Variants in CTPS1 observed in about 807,000 individuals in gnomAD.
The protein encoded by CTPS1 is CTP synthetase 1.
In CTPS1, 25 loss-of-function variants were observed where a neutral mutation model predicts 80.5. That is an observed-to-expected ratio of 0.31 (90% CI 0.23 to 0.43). CTPS1 has a LOEUF of 0.43. Among genes scored for constraint, CTPS1 ranks in the 20% least tolerant of loss-of-function variants. The probability of loss-of-function intolerance (pLI) is 1.00; values close to 1 mark genes in which losing one functional copy is unlikely to be tolerated. For synonymous variants in CTPS1, 267 were observed against 252.5 expected (o/e 1.06, Z -0.54); for missense variants, 442 against 725.7 (o/e 0.61, Z 4.49).
At chr1:40,983,750 G>A (rs1642378640) in intron 2 of CTPS1, among the ~76,000 whole-genome samples, 1 of 151,812 alleles carries the variant, frequency 6.6e-6, no homozygotes, top group South Asian at 2.1e-4. Context: ...AGCCTCCTGA[G>A]TAGCTGGGAC....
intron 2 of CTPS1, 25 bp downstream of exon 2, chr1:40,983,481 A>G: frequency 6.4e-7 from 1 of 1,572,794 alleles, no homozygotes; most frequent in South Asian, 1.2e-5. Context: ...TTTCTTCATA[A>G]TAATTGCATG....
chr1:40,991,328 T>A, intron 6 of CTPS1, 80 bp downstream of exon 6: 1 of 1,107,470 alleles, frequency 9.0e-7, no homozygotes, highest in Non-Finnish European at 1.3e-6. Flanking sequence ...ACAAGACCTT[T>A]GTCTTGTTGG....
intron 7 of CTPS1, among the ~76,000 whole-genome samples, chr1:40,994,842 T>C (rs1367464835): frequency 6.6e-6 from 1 of 152,242 alleles, no homozygotes; most frequent in Non-Finnish European, 1.5e-5. Context: ...TAATCTTAAT[T>C]TACCAATAAT....
In CTPS1 at chr1:40,979,792, G is replaced by C. The variant is rs890850835; in HGVS notation, c.-51G>C. On this transcript the variant is annotated 5_prime_UTR_variant, in exon 1 of 19. Coordinates refer to ENST00000650070, the MANE Select transcript of CTPS1 (RefSeq NM_001905.4). ...GGGCTCCGCGCGCGTCGCCGGCCCA[G>C]CTCTGTCGCTGACGGGAGGATCTGA... 6.6e-6 allele frequency: 1 copy of C among 152,254 alleles called. No individual in the cohort carries two copies. Among genetic ancestry groups the C allele is most frequent in the Non-Finnish European group, 1.5e-5 (1 of 68,086 alleles). The allele number at this position is 152,254 out of a possible 1,614,324, so 9.4% of individuals were successfully genotyped here.
chr1:40,984,777 A>G, intron 2 of CTPS1, 44 bp from the exon 3 acceptor site: 1 of 1,389,624 alleles, frequency 7.2e-7, no homozygotes, highest in Non-Finnish European at 9.6e-7. Flanking sequence ...GCCATGGTAT[A>G]GGTATTTTTC....
intron 7 of CTPS1, 105 bp from the exon 8 acceptor site, chr1:40,995,812 C>T: frequency 2.5e-6 from 3 of 1,182,116 alleles, no homozygotes; most frequent in South Asian, 3.2e-5. Context: ...GTCCTTTTTT[C>T]TGTTTTCAAA....
intron 9 of CTPS1, among the ~76,000 whole-genome samples, chr1:40,999,502 A>C (rs1004571626): frequency 1.3e-5 from 2 of 152,220 alleles, no homozygotes; most frequent in African/African-American, 4.8e-5. Flanking sequence ...CTAGTTAGGG[A>C]AATCAGTGCA....
At chr1:40,998,224 C>T (rs1455048546) in intron 9 of CTPS1, among the ~76,000 whole-genome samples, 1 of 150,240 alleles carries the variant, frequency 6.7e-6, no homozygotes, top group Non-Finnish European at 1.5e-5. Flanking sequence ...CGGTGAAACC[C>T]TGTCTCTACT....
Position 40,991,772 on chromosome 1 carries a change from G to T in CTPS1, c.647G>T (p.Cys216Phe). ...GLGLSPDLVV[C>F]RCSNPLDTSV... ...CTTGTTCTCTACTGCTAGGTTGTAT[G>T]CAGGTGCTCAAATCCACTTGACACA... Residue 216 changes from cysteine to phenylalanine, a missense_variant, in exon 7 of 19, where the codon TGC becomes TTC. Cys to Phe is a radical substitution (Grantham distance 205, BLOSUM62 -2). Transcript: ENST00000650070. 6.2e-7 allele frequency: 1 copy of T among 1,613,156 alleles called. No homozygotes were observed.
chr1:40,984,839 A>T lies in CTPS1; in HGVS notation c.185A>T (p.Asp62Val). 1 of 1,569,690 alleles carries T rather than the reference A, an allele frequency of 6.4e-7. No individual in the cohort carries two copies. Among genetic ancestry groups the T allele is most frequent in the Non-Finnish European group, 8.7e-7 (1 of 1,151,918 alleles). The change falls in exon 3 of 19, where the codon GAT becomes GTT. Residue 62 changes from aspartate (D) to valine (V), a missense_variant. Physicochemically the swap from Asp to Val is radical, Grantham distance 152. This residue lies in a region of CTPS1 where 69 missense variants were observed against 102.1 expected (regional missense o/e 0.68). Transcript: ENST00000650070. ...ACTGCAGGTGAGGTTTTTGTGCTGG[A>T]TGATGGTGGGGAAGTAGACCTTGAC... ...PYEHGEVFVL[D>V]DGGEVDLDLG...
chr1:40,986,230 G>A (rs1042994480), intron 3 of CTPS1, among the ~76,000 whole-genome samples: 1 of 152,272 alleles, frequency 6.6e-6, no homozygotes, highest in African/African-American at 2.4e-5. Flanking sequence ...ACTTTGGGCA[G>A]GTGGTCGGGG....
chr1:41,008,201 A>G (rs1643082486), intron 14 of CTPS1, among the ~76,000 whole-genome samples: 1 of 152,118 alleles, frequency 6.6e-6, no homozygotes, highest in Non-Finnish European at 1.5e-5. Flanking sequence ...CCCGTTCGCA[A>G]ATGTCCAGCT....
chr1:40,998,529 A>G (rs929809376), intron 9 of CTPS1, among the ~76,000 whole-genome samples: 7 of 151,768 alleles, frequency 4.6e-5, no homozygotes, highest in Non-Finnish European at 1.0e-4. Flanking sequence ...CAGTTTCCAC[A>G]TTGTTAAAAA....
intron 1 of CTPS1, chr1:40,982,075 A>T: frequency 9.1e-7 from 1 of 1,098,216 alleles, no homozygotes; most frequent in Non-Finnish European, 1.2e-6. Flanking sequence ...ACGATCCTGG[A>T]CCTCTGAAGC....
At chr1:40,980,676 C>G (rs1442275498) in intron 1 of CTPS1, 1 of 152,330 alleles carries the variant, frequency 6.6e-6, no homozygotes, top group African/African-American at 2.4e-5. Flanking sequence ...CCCCCTCAGT[C>G]TTTGTTGAAT....
At chr1:40,991,739 T>C in intron 6 of CTPS1, 26 bp from the exon 7 acceptor site, 2 of 1,563,546 alleles carry the variant, frequency 1.3e-6, no homozygotes, top group Non-Finnish European at 1.8e-6. Context: ...TCCTTCTGTC[T>C]AAGCCATCTT....
chr1:40,989,373 C>T (rs914126776), intron 5 of CTPS1, among the ~76,000 whole-genome samples: 4 of 152,164 alleles, frequency 2.6e-5, no homozygotes, highest in Non-Finnish European at 4.4e-5. Flanking sequence ...GTAATGTTAA[C>T]GCTGTTGACA....
chr1:41,000,453 A>G (rs1387142911), intron 9 of CTPS1, among the ~76,000 whole-genome samples: 1 of 146,400 alleles, frequency 6.8e-6, no homozygotes, highest in Non-Finnish European at 1.5e-5. Flanking sequence ...GGGTTTCACC[A>G]TGTTTGCCAG....
intron 12 of CTPS1, chr1:41,004,087 C>G (rs939472590): frequency 6.6e-6 from 1 of 152,414 alleles, no homozygotes; most frequent in East Asian, 1.9e-4. Context: ...CCCGAGCCGG[C>G]AGGGGAGGAG....
Sources: gnomAD v4.1 joint callset for allele counts (sites outside exome capture counted in the v4.1 genomes callset) on GRCh38, gnomAD v4.1.1 for gene constraint, gnomAD v4.1.1 regional missense constraint, MANE v1.5 for transcripts, NCBI Gene and HGNC (gene_info 2026-07-23, HGNC 2026-07-21) for gene names.